The following MEGF6 variants were observed in gnomAD, a reference collection of about 807,000 sequenced individuals.
The protein encoded by MEGF6 is multiple epidermal growth factor-like domains protein 6.
MEGF6 carries 184 observed loss-of-function variants against 207.1 expected under a neutral mutation model. The ratio of observed to expected loss-of-function variants is 0.89; its 90% CI spans 0.79 to 1.00. The LOEUF is 1.00. MEGF6 is among the 50% of genes least tolerant of loss of function. The pLI is 0.00. For missense variants in MEGF6, 2,282 were observed against 2,202.9 expected (o/e 1.04, Z -0.72); for synonymous variants, 1,038 against 910.0 (o/e 1.14, Z -2.53).
At chr1:3,590,940 G>T (rs972941399) in intron 3 of MEGF6, among the ~76,000 whole-genome samples, 1 of 147,370 alleles carries the variant, frequency 6.8e-6, no homozygotes, top group Admixed American at 6.7e-5. Context: ...AGGGACAGCG[G>T]TGCCCTGGTC....
chr1:3,494,754 G>A lies in MEGF6; in HGVS notation c.3872-13C>T, dbSNP rs1273694331. 5.1e-6 allele frequency: 8 copies of A among 1,562,606 alleles called. No homozygotes were observed. Among genetic ancestry groups the A allele is most frequent in the Non-Finnish European group, 6.9e-6 (8 of 1,152,968 alleles). ...TTCTGGGGGCAGCCTGGAGACAGAA[G>A]GCAGGTGCTGCCTGGAGCTCTGGCC... On this transcript the variant is annotated splice_polypyrimidine_tract_variant and intron_variant, in intron 30 of 36. Transcript: ENST00000356575.
intron 5 of MEGF6, among the ~76,000 whole-genome samples, chr1:3,517,457 C>T (rs1253784784): frequency 6.6e-6 from 1 of 152,238 alleles, no homozygotes; most frequent in Non-Finnish European, 1.5e-5. Context: ...CAGATGCTCC[C>T]AAGCTGTGCG....
chr1:3,539,971 A>G (rs1642461513), intron 4 of MEGF6, among the ~76,000 whole-genome samples: 1 of 152,150 alleles, frequency 6.6e-6, no homozygotes, highest in African/African-American at 2.4e-5. Flanking sequence ...CGAGGCTGGG[A>G]TCCAAACCCA....
intron 4 of MEGF6, among the ~76,000 whole-genome samples, chr1:3,531,848 G>GGCCTGCAGAGGCGGCTGGTGGGGC (rs1642188244): frequency 1.3e-5 from 2 of 152,148 alleles, no homozygotes; most frequent in Admixed American, 1.3e-4. Flanking sequence ...GGGGGAGGGG[G>GGCCTGCAGAGGCGGCTGGTGGGGC]GCCTGCAGAG....
At chr1:3,595,198 G>A (rs764817542) in intron 3 of MEGF6, 140 bp downstream of exon 3, 67 of 607,726 alleles carry the variant, frequency 1.1e-4, no homozygotes, top group Middle Eastern at 4.4e-4. Flanking sequence ...GGCAAACGGC[G>A]TTGCTGAGCG....
At chr1:3,511,260 G>C (rs1020364487) in intron 9 of MEGF6, among the ~76,000 whole-genome samples, 1 of 152,232 alleles carries the variant, frequency 6.6e-6, no homozygotes. Flanking sequence ...AGGACACTGG[G>C]TCCTTCCCAG....
Position 3,509,891 on chromosome 1 carries a change from C to T in MEGF6, c.1336G>A (p.Glu446Lys), listed in dbSNP as rs766351606. The change falls in exon 11 of 37, where the codon GAG (glutamate) becomes AAG (lysine). Residue 446 changes from glutamate (E) to lysine (K), a missense_variant. Physicochemically the swap from Glu to Lys is moderately conservative, Grantham distance 56 (BLOSUM62 1). Transcript: ENST00000356575. ...TCACGGCTGCAGCCCCTACGGTCCTCGTGCAGCCGGTAGCCGGCCTCGCAG... is the reference window on the plus strand; with the variant it reads ...TCACGGCTGCAGCCCCTACGGTCCTTGTGCAGCCGGTAGCCGGCCTCGCAG... ...CSCEAGYRLH[E>K]DRRGCSPLEE... 8 of 1,559,792 alleles carry T rather than the reference C, an allele frequency of 5.1e-6. No individual in the cohort carries two copies. The highest frequency in any genetic ancestry group is 2.4e-5 in the South Asian group (2 of 84,786).
chr1:3,555,609 G>A (rs1338177188), intron 4 of MEGF6, among the ~76,000 whole-genome samples: 1 of 152,208 alleles, frequency 6.6e-6, no homozygotes, highest in Non-Finnish European at 1.5e-5. Flanking sequence ...TGGTTCTCAT[G>A]GCTGCAAAGG....
chr1:3,516,403 G>C (rs552169473), intron 5 of MEGF6, among the ~76,000 whole-genome samples: 25 of 152,348 alleles, frequency 1.6e-4, no homozygotes, highest in South Asian at 6.2e-4. Context: ...GAGGGAAGCC[G>C]CAAGAATGTG....
At chr1:3,557,212 A>C (rs1488828250) in intron 4 of MEGF6, among the ~76,000 whole-genome samples, 1 of 152,256 alleles carries the variant, frequency 6.6e-6, no homozygotes, top group African/African-American at 2.4e-5. Context: ...GCGTAAGCCC[A>C]GGGAGACCTG....
chr1:3,531,369 G>C, intron 4 of MEGF6: 2 of 1,183,246 alleles, frequency 1.7e-6, no homozygotes, highest in East Asian at 7.5e-5. Flanking sequence ...CGCAATCCCA[G>C]CCCCGGGATC....
At chr1:3,505,391 C>CA (rs1641071105) in intron 16 of MEGF6, 31 bp downstream of exon 16, 8 of 1,599,212 alleles carry the variant, frequency 5.0e-6, no homozygotes, top group South Asian at 3.3e-5. Flanking sequence ...CCCTGGCGCC[C>CA]CCCGCCCCCA....
rs781392502 is a variant in MEGF6, at chr1:3,507,910, G to A, written c.1674C>T (p.Asp558=). 5.0e-6 allele frequency: 8 copies of A among 1,611,768 alleles called. No individual in the cohort carries two copies. Among genetic ancestry groups the A allele is most frequent in the Non-Finnish European group, 6.8e-6 (8 of 1,179,070 alleles). ...AGAAGCTGCAGTTCTTCCCAAAGGTGTCCGGAGGACAAGCTACAAAGAATG... is the reference window on the plus strand; with the variant it reads ...AGAAGCTGCAGTTCTTCCCAAAGGTATCCGGAGGACAAGCTACAAAGAATG... ...GLICNETCPP[D]TFGKNCSFSC... is the part of the protein sequence containing the mutation. Residue 558 remains aspartate (D), a synonymous_variant, in exon 14 of 37, where the codon GAC becomes GAT. Transcript: ENST00000356575.
intron 4 of MEGF6, among the ~76,000 whole-genome samples, chr1:3,545,420 C>A (rs948844332): frequency 6.6e-6 from 1 of 152,180 alleles, no homozygotes; most frequent in Non-Finnish European, 1.5e-5. Context: ...CCTCCTGCGT[C>A]CCACCTGGGA....
In MEGF6 at chr1:3,499,893, A is replaced by G; in HGVS notation, c.2739T>C (p.Cys913=). The change falls in exon 22 of 37, where the codon TGT becomes TGC. Residue 913 remains cysteine, a synonymous_variant. Coordinates refer to ENST00000356575, the MANE Select transcript of MEGF6 (RefSeq NM_001409.4). ...CATGCTGACACTGGCACCGCTGCTCACAGCCGGGCCCAAAGTGGCCCTGGG... is the reference window on the plus strand; with the variant it reads ...CATGCTGACACTGGCACCGCTGCTCGCAGCCGGGCCCAAAGTGGCCCTGGG... The part of the protein sequence containing the change: ...QCPQGHFGPG[C]EQRCQCQHGA... 6.4e-7 allele frequency: 1 copy of G among 1,561,784 alleles called. No individual in the cohort carries two copies. The highest frequency in any genetic ancestry group is 8.7e-7 in the Non-Finnish European group (1 of 1,153,860).
intron 5 of MEGF6, among the ~76,000 whole-genome samples, chr1:3,523,081 G>GGC (rs1553195923): frequency 6.6e-6 from 1 of 152,076 alleles, no homozygotes; most frequent in Non-Finnish European, 1.5e-5. Context: ...TGCCGGGGGG[G>GGC]GGGCCCCAGG....
At chr1:3,570,512 C>A (rs1236700971) in intron 4 of MEGF6, among the ~76,000 whole-genome samples, 2 of 152,244 alleles carry the variant, frequency 1.3e-5, no homozygotes, top group African/African-American at 4.8e-5. Context: ...CTCCTCAAAG[C>A]CTGGGACCTG....
In MEGF6 at chr1:3,560,067, C is replaced by T. The variant is rs1218594016; in HGVS notation, c.481+19758G>A. 2.0e-5 allele frequency among the ~76,000 whole-genome samples: 3 copies of T among 147,572 alleles called. No individual in the cohort carries two copies. The highest frequency in any genetic ancestry group is 7.4e-5 in the African/African-American group (3 of 40,432). ...CACGATGAGCCCATCTCCTGGGAGT[C>T]GGGAGGTGCTCTCAGGGCAGGAGAG... On this transcript the variant is annotated intron_variant, in intron 4 of 36. Transcript: ENST00000356575. This position sits in a 1 kb window ranked among gnomAD's most constrained non-coding sequence, Gnocchi z 4.0.
chr1:3,563,312 A>G (rs1244853582), intron 4 of MEGF6, among the ~76,000 whole-genome samples: 1 of 152,100 alleles, frequency 6.6e-6, no homozygotes, highest in Non-Finnish European at 1.5e-5. Context: ...GTCAAGCCCC[A>G]TGCCTGGCAC....
Sources: allele counts gnomAD v4.1 joint callset (sites outside exome capture counted in the v4.1 genomes callset), GRCh38; gene constraint gnomAD v4.1.1; non-coding constraint Gnocchi (gnomAD v3.1); transcripts MANE v1.5; gene names NCBI Gene and HGNC (gene_info 2026-07-23, HGNC 2026-07-21).